Variants in LAMA2 observed in about 807,000 individuals in gnomAD.
LAMA2 encodes the protein laminin subunit alpha 2.
A neutral mutation model predicts 364.8 loss-of-function variants in LAMA2; 269 were observed. The observed-to-expected ratio is 0.74, with a 90% CI of 0.67 to 0.82. The LOEUF is 0.82. Ranked by LOEUF, LAMA2 falls within the 40% of genes least tolerant of loss-of-function variation. The pLI, the probability that LAMA2 is intolerant of heterozygous loss-of-function variation, is 0.00. For synonymous variants in LAMA2, 1,379 were observed against 1,370.6 expected, an observed-to-expected ratio of 1.01 and a Z score of -0.14; for missense variants, 3,807 against 3,873.2, an observed-to-expected ratio of 0.98 and a Z score of 0.45.
intron 3 of LAMA2, among the ~76,000 whole-genome samples, chr6:129,066,044 T>TTTG (rs1789291161): frequency 9.6e-5 from 2 of 20,784 alleles, no homozygotes; most frequent in African/African-American, 1.8e-4. Flanking sequence ...TCAGGTTTTT[T>TTTG]TTTTTTTTTT....
intron 2 of LAMA2, among the ~76,000 whole-genome samples, chr6:129,058,331 G>A (rs1420063621): frequency 6.6e-6 from 1 of 152,238 alleles, no homozygotes; most frequent in Non-Finnish European, 1.5e-5. Context: ...AAATGGGAGA[G>A]ATGAGAAACT....
chr6:129,053,726 C>G (rs9689584), intron 2 of LAMA2, among the ~76,000 whole-genome samples: 44,680 of 151,996 alleles, frequency 0.29, 7,112 homozygotes, highest in African/African-American at 0.42. Flanking sequence ...GAACACCTTT[C>G]TAAAGTACTC....
rs556646756 is a variant in LAMA2 at position 129,489,637 on chromosome 6, A to C, written c.7899-2264A>C. On this transcript the variant is annotated intron_variant, in intron 56 of 64. Coordinates refer to ENST00000421865, the MANE Select transcript of LAMA2 (RefSeq NM_000426.4). ...GCTAAAGGTCAGGAAGTAGGGTGAG[A>C]TATTTTAGGAGTCATTTGGGGTTTC... Among the ~76,000 whole-genome samples, 4 of 152,302 alleles carry C rather than the reference A, an allele frequency of 2.6e-5. No homozygotes were observed. The South Asian group carries it at 8.3e-4, about 32-fold the overall frequency.
intron 12 of LAMA2, among the ~76,000 whole-genome samples, chr6:129,244,374 CTT>C (rs1785600346): frequency 6.6e-6 from 1 of 152,054 alleles, no homozygotes; most frequent in Non-Finnish European, 1.5e-5. Context: ...GGAGGGATAC[CTT>C]TTCAGAGTTT....
At chr6:129,490,157 G>C (rs780453022) in intron 56 of LAMA2, among the ~76,000 whole-genome samples, 1 of 152,202 alleles carries the variant, frequency 6.6e-6, no homozygotes, top group Non-Finnish European at 1.5e-5. Context: ...GCAGGATTTA[G>C]CTGTAGTTTT....
intron 12 of LAMA2, among the ~76,000 whole-genome samples, chr6:129,244,338 TA>T (rs1256697553): frequency 6.6e-6 from 1 of 152,078 alleles, no homozygotes; most frequent in Non-Finnish European, 1.5e-5. Flanking sequence ...GCTCTACAAA[TA>T]GATGCATGAA....
Position 129,391,667 on chromosome 6 carries a change from T to C in LAMA2, c.5234+14T>C. 1.2e-6 allele frequency: 2 copies of C among 1,607,620 alleles called. No individual in the cohort carries two copies. Among genetic ancestry groups the C allele is most frequent in the South Asian group, 2.2e-5 (2 of 90,512 alleles). ...AGATGAGTTGGTGTGAGTAGATGAG[T>C]TATTATTTTTTCTTTTGACAAACTG... On this transcript the variant is annotated intron_variant, in intron 36 of 64. Transcript: ENST00000421865.
chr6:129,417,042 A>G (rs1780830897), intron 40 of LAMA2, among the ~76,000 whole-genome samples: 1 of 152,166 alleles, frequency 6.6e-6, no homozygotes, highest in African/African-American at 2.4e-5. Flanking sequence ...CAGGGAGTCC[A>G]TAGGTCTCAG....
At chr6:128,939,054 G>A (rs748799401) in intron 1 of LAMA2, among the ~76,000 whole-genome samples, 1 of 152,120 alleles carries the variant, frequency 6.6e-6, no homozygotes, top group African/African-American at 2.4e-5. Flanking sequence ...AGTCCAGAGT[G>A]AATTTCCAAA....
chr6:128,972,813 A>G (rs1782269409), intron 1 of LAMA2, among the ~76,000 whole-genome samples: 2 of 152,322 alleles, frequency 1.3e-5, no homozygotes, highest in East Asian at 3.9e-4. Context: ...TATATTAGTA[A>G]TAAAATGATT....
rs142160251 is a variant in LAMA2 at position 129,269,202 on chromosome 6, C to A, written c.2323-1422C>A. On this transcript the variant is annotated intron_variant, in intron 16 of 64. Coordinates refer to ENST00000421865, the MANE Select transcript of LAMA2 (RefSeq NM_000426.4). ...TTTAAAAGACATTTTAACTCAAAGT[C>A]CATTTGAAGTAAGCCAGGAAGTATT... Among the ~76,000 whole-genome samples, 411 of 152,150 alleles carry A rather than the reference C, an allele frequency of 2.7e-3. 3 individuals are homozygous for A. Among genetic ancestry groups the A allele is most frequent in the African/African-American group, 9.6e-3 (397 of 41,546 alleles).
At chr6:129,353,432 G>T in intron 32 of LAMA2, 75 bp downstream of exon 32, 1 of 1,218,582 alleles carries the variant, frequency 8.2e-7, no homozygotes, top group East Asian at 2.3e-5. Context: ...GAGAAAGAGT[G>T]ACTCTCCCCG....
intron 1 of LAMA2, among the ~76,000 whole-genome samples, chr6:128,968,181 A>G (rs372434025): frequency 6.6e-6 from 1 of 152,216 alleles, no homozygotes; most frequent in East Asian, 1.9e-4. Flanking sequence ...TTTATAAATG[A>G]CCACAATTAA....
chr6:129,481,824 G>A (rs1018159388), intron 55 of LAMA2, among the ~76,000 whole-genome samples: 3 of 152,118 alleles, frequency 2.0e-5, no homozygotes, highest in African/African-American at 7.2e-5. Context: ...AAATTTAAAT[G>A]TAAATTCCTC....
At chr6:129,507,985 T>G (rs1786242433) in intron 62 of LAMA2, among the ~76,000 whole-genome samples, 1 of 82,046 alleles carries the variant, frequency 1.2e-5, no homozygotes, top group Admixed American at 1.3e-4. Flanking sequence ...TGAGATATGA[T>G]TTTTTTCTTC....
intron 4 of LAMA2, among the ~76,000 whole-genome samples, chr6:129,126,174 C>T (rs77357343): frequency 0.039 from 5,926 of 152,182 alleles, 392 homozygotes; most frequent in African/African-American, 0.14. Flanking sequence ...AAATGAACTA[C>T]GCTGACAAAT....
At chr6:129,508,086 G>A (rs1786251875) in intron 62 of LAMA2, among the ~76,000 whole-genome samples, 1 of 152,178 alleles carries the variant, frequency 6.6e-6, no homozygotes, top group Non-Finnish European at 1.5e-5. Flanking sequence ...CTTGTTGATA[G>A]TGACAATGAC....
chr6:128,989,860 G>A (rs1432829468), intron 1 of LAMA2, among the ~76,000 whole-genome samples: 2 of 152,142 alleles, frequency 1.3e-5, no homozygotes, highest in South Asian at 4.1e-4. Context: ...TGTCCAGTGA[G>A]TACCTGCTTT....
chr6:129,473,651 A>G (rs182721035), intron 52 of LAMA2, among the ~76,000 whole-genome samples: 1 of 152,174 alleles, frequency 6.6e-6, no homozygotes, highest in East Asian at 1.9e-4. Context: ...GGATCTTGTA[A>G]TTGCTGTTCT....
Sources: allele counts gnomAD v4.1 joint callset (sites outside exome capture counted in the v4.1 genomes callset), GRCh38; gene constraint gnomAD v4.1.1; transcripts MANE v1.5; gene names NCBI Gene and HGNC (gene_info 2026-07-23, HGNC 2026-07-21).